The following ZNF335 variants were observed in gnomAD, a reference collection of about 807,000 sequenced individuals.
ZNF335 encodes zinc finger protein 335, also known as NRC-interacting factor 1.
ZNF335 carries 84 observed loss-of-function variants against 145.6 expected under a neutral mutation model. That is an observed-to-expected ratio of 0.58 (90% CI 0.48 to 0.69). The LOEUF (loss-of-function observed/expected upper bound fraction) is 0.69. Among genes scored for constraint, ZNF335 ranks in the 30% least tolerant of loss-of-function variants. ZNF335 has a pLI of 0.00. For missense variants in ZNF335, 1,865 were observed against 1,809.7 expected (o/e 1.03, Z -0.55); for synonymous variants, 761 against 717.0 (o/e 1.06, Z -0.98).
At chr20:45,949,423 A>T in intron 25 of ZNF335, 25 bp from the exon 26 acceptor site, 1 of 1,613,966 alleles carries the variant, frequency 6.2e-7, no homozygotes, top group Non-Finnish European at 8.5e-7. Context: ...CCAAGCTGTG[A>T]TCCTAGGGAG....
At chr20:45,965,485 T>G (rs2083934015) in intron 7 of ZNF335, 143 bp downstream of exon 7, 2 of 966,026 alleles carry the variant, frequency 2.1e-6, no homozygotes, top group Non-Finnish European at 2.9e-6. Context: ...GGCTTTCCCC[T>G]TTCCCTGGAG....
intron 7 of ZNF335, chr20:45,964,338 T>G (rs1018262726): frequency 3.2e-5 from 7 of 215,746 alleles, no homozygotes; most frequent in Non-Finnish European, 4.6e-5. Context: ...TTGCCCCATT[T>G]ATCCAAGGGA....
At position 45,963,563 on chromosome 20, in the gene ZNF335, G is replaced by A; in HGVS notation, c.1443C>T (p.Arg481=). The change falls in exon 9 of 28, where the codon CGC becomes CGT. Residue 481 remains arginine (R), a synonymous_variant. Transcript: ENST00000322927. Reference sequence around the variant, plus strand: ...CAGCCTCATGGGAGTTGACGTGGAAGCGCAGGTCCTCGTGGGACAGAAAGC... The same window carrying A: ...CAGCCTCATGGGAGTTGACGTGGAAACGCAGGTCCTCGTGGGACAGAAAGC... ...GSRFLSHEDL[R]FHVNSHEAGD... The A allele has an allele frequency of 6.2e-7, 1 of 1,614,238 alleles. No homozygotes were observed. Among genetic ancestry groups the A allele is most frequent in the South Asian group, 1.1e-5 (1 of 91,088 alleles).
At chr20:45,958,154 T>A (rs548649607) in intron 15 of ZNF335, among the ~76,000 whole-genome samples, 24 of 152,210 alleles carry the variant, frequency 1.6e-4, no homozygotes, top group Non-Finnish European at 3.1e-4. Context: ...TTCAAGTGAT[T>A]CTTGTGTCTC....
In ZNF335 at chr20:45,963,775, G is replaced by A; in HGVS notation, c.1318C>T (p.Arg440Ter). Residue 440 changes from arginine (R) to a stop codon, truncating the protein, a stop_gained, in exon 8 of 28, where the codon CGA becomes TGA. Coordinates refer to ENST00000322927, the MANE Select transcript of ZNF335 (RefSeq NM_022095.4). LOFTEE classifies it high-confidence loss of function. ...EHDTLPRRRG[R>*]PSRRFLGKKY... is the part of the protein sequence containing the mutation. ...TTGCCTAGGAAGCGCCTGGAAGGTCGACCTCGGCGCCGGGGCAGAGTGTCA... is the reference window on the plus strand; with the variant it reads ...TTGCCTAGGAAGCGCCTGGAAGGTCAACCTCGGCGCCGGGGCAGAGTGTCA... 6.2e-7 allele frequency: 1 copy of A among 1,614,150 alleles called. No homozygotes were observed. The highest frequency in any genetic ancestry group is 8.5e-7 in the Non-Finnish European group (1 of 1,179,998).
Position 45,963,479 on chromosome 20 carries a change from C to T in ZNF335, c.1527G>A (p.Ser509=), listed in dbSNP as rs374798841. ...QCSYRSRRWS[S]LKEHMFNHVG... ...GCCTCTTTGGCTCCCGCACCTTGAG[C>T]GAGGACCAGCGGCGGGAACGATAGC... The change falls in exon 9 of 28, where the codon TCG becomes TCA. Residue 509 remains serine (S), a synonymous_variant. Coordinates refer to ENST00000322927, the MANE Select transcript of ZNF335 (RefSeq NM_022095.4). 1.4e-5 allele frequency: 23 copies of T among 1,611,062 alleles called. No homozygotes were observed. The highest frequency in any genetic ancestry group is 4.5e-5 in the East Asian group (2 of 44,800).
At chr20:45,965,549 C>A in intron 7 of ZNF335, 79 bp downstream of exon 7, 2 of 1,513,490 alleles carry the variant, frequency 1.3e-6, no homozygotes, top group Non-Finnish European at 1.8e-6. Flanking sequence ...ACTCAGTCCC[C>A]AGAACTCCAC....
At chr20:45,952,108 A>G (rs750208946) in intron 20 of ZNF335, 39 bp downstream of exon 20, 11 of 1,549,394 alleles carry the variant, frequency 7.1e-6, no homozygotes, top group South Asian at 1.2e-5. Context: ...GAGTAGCCCA[A>G]TGAATGACAG....
rs1416031555 is a variant in ZNF335 at position 45,948,726 on chromosome 20, A to C, written c.*227T>G. 8.5e-6 allele frequency: 5 copies of C among 586,606 alleles called. No individual in the cohort carries two copies. The highest frequency in any genetic ancestry group is 1.9e-5 in the African/African-American group (1 of 53,338). The allele number at this position is 586,606 out of a possible 1,614,324, so 36.3% of individuals were successfully genotyped here. A position where few individuals can be genotyped will look rare whatever the true frequency, so the allele number is the denominator to read the frequency against. Reference sequence around the variant, plus strand: ...CAGTGGGTCCACCCAAACAAAAATAAATTTCTCTCCCAAAGCCTGCCTGCA... The same window carrying C: ...CAGTGGGTCCACCCAAACAAAAATACATTTCTCTCCCAAAGCCTGCCTGCA... On this transcript the variant is annotated 3_prime_UTR_variant, in exon 28 of 28. Transcript: ENST00000322927.
chr20:45,950,017 T>TGCCTGCTGTAGCCGCTCTGG lies in ZNF335; in HGVS notation c.3520_3539dup (p.Leu1181GlnfsTer8). On this transcript the variant is annotated frameshift_variant, in exon 23 of 28. Transcript: ENST00000322927. LOFTEE classifies it high-confidence loss of function. ...CAACGATGATGTGTTCCTGGCTCAG[T>TGCCTGCTGTAGCCGCTCTGG]GCCTGCTGTAGCCGCTCTGGGCCCA... 1 of 1,614,122 alleles carries TGCCTGCTGTAGCCGCTCTGG rather than the reference T, an allele frequency of 6.2e-7. No homozygotes were observed. Among genetic ancestry groups the TGCCTGCTGTAGCCGCTCTGG allele is most frequent in the Non-Finnish European group, 8.5e-7 (1 of 1,180,026 alleles).
intron 7 of ZNF335, among the ~76,000 whole-genome samples, chr20:45,964,731 A>G (rs1258654225): frequency 6.6e-6 from 1 of 152,146 alleles, no homozygotes; most frequent in Admixed American, 6.5e-5. Flanking sequence ...GGCCTTTTTG[A>G]AATAGAGACT....
intron 6 of ZNF335, 41 bp downstream of exon 6, chr20:45,967,453 T>C (rs2083976174): frequency 1.2e-6 from 2 of 1,613,836 alleles, no homozygotes; most frequent in Admixed American, 3.3e-5. Context: ...TATGTCTAGA[T>C]GGGCATAGGG....
intron 7 of ZNF335, among the ~76,000 whole-genome samples, chr20:45,965,085 C>T (rs1039961362): frequency 2.7e-5 from 4 of 150,556 alleles, no homozygotes; most frequent in African/African-American, 9.8e-5. Context: ...AACTCTCCAA[C>T]CATAAACAGC....
chr20:45,948,690 G>A lies in ZNF335; in HGVS notation c.*263C>T. 4.1e-6 allele frequency: 2 copies of A among 485,272 alleles called. No homozygotes were observed. The highest frequency in any genetic ancestry group is 7.9e-5 in the East Asian group (2 of 25,232). The allele number at this position is 485,272 out of a possible 1,614,324, so 30.1% of individuals were successfully genotyped here. On this transcript the variant is annotated 3_prime_UTR_variant, in exon 28 of 28. Coordinates refer to ENST00000322927, the MANE Select transcript of ZNF335 (RefSeq NM_022095.4). ...GACTGGACTCCGGTCCCTTTATTGA[G>A]ACTGACAGGCCAGTGGGTCCACCCA...
At chr20:45,954,909 A>C (rs1402808091) in intron 17 of ZNF335, among the ~76,000 whole-genome samples, 1 of 151,400 alleles carries the variant, frequency 6.6e-6, no homozygotes, top group Non-Finnish European at 1.5e-5. Flanking sequence ...CTGGTACTAC[A>C]GGCATGCATT....
In ZNF335 at chr20:45,950,035, T is replaced by G. The variant is rs16990951; in HGVS notation, c.3522A>C (p.Pro1174=). ...GGCTCAGTGCCTGCTGTAGCCGCTC[T>G]GGGCCCAGGACCCCGTGACTGGACT... The part of the protein sequence containing the change: ...ALQSSHGVLG[P]ERLQQALSQE... Residue 1174 remains proline (P), a synonymous_variant, in exon 23 of 28, where the codon CCA becomes CCC. Coordinates refer to ENST00000322927, the MANE Select transcript of ZNF335 (RefSeq NM_022095.4). 1 of 1,613,802 alleles carries G rather than the reference T, an allele frequency of 6.2e-7. No homozygotes were observed. The highest frequency in any genetic ancestry group is 1.1e-5 in the South Asian group (1 of 91,058).
Position 45,949,583 on chromosome 20 carries a change from G to T in ZNF335, c.3670-15C>A, listed in dbSNP as rs373445422. Reference sequence around the variant, plus strand: ...ATATACTGCACCTGTTGGTGGGGGGGGCGGGCATGGCGAGGCAGGTGCTGA... The same window carrying T: ...ATATACTGCACCTGTTGGTGGGGGGTGCGGGCATGGCGAGGCAGGTGCTGA... On this transcript the variant is annotated splice_polypyrimidine_tract_variant and intron_variant, in intron 24 of 27. Transcript: ENST00000322927. 6.2e-7 allele frequency: 1 copy of T among 1,601,720 alleles called. No individual in the cohort carries two copies. The highest frequency in any genetic ancestry group is 2.2e-5 in the East Asian group (1 of 44,704).
At chr20:45,953,992 AG>A in intron 17 of ZNF335, 44 bp from the exon 18 acceptor site, 1 of 1,532,578 alleles carries the variant, frequency 6.5e-7, no homozygotes, top group South Asian at 1.2e-5. Flanking sequence ...CTGGTGGCAG[AG>A]GAGCGGGTAT....
In ZNF335 at chr20:45,965,624, T is replaced by A. The variant is rs377649356; in HGVS notation, c.1102+4A>T. 803 of 1,593,180 alleles carry A rather than the reference T, an allele frequency of 5.0e-4. 9 individuals carry two copies. Among genetic ancestry groups the A allele is most frequent in the Non-Finnish European group, 3.8e-5 (44 of 1,171,672 alleles). On this transcript the variant is annotated splice_donor_region_variant and intron_variant, in intron 7 of 27. Coordinates refer to ENST00000322927, the MANE Select transcript of ZNF335 (RefSeq NM_022095.4). ...CACGAGCCCCTCCCAAGACCAAGCCTCACCATCTGGGAGGTCTGAGATCTC... is the reference window on the plus strand; with the variant it reads ...CACGAGCCCCTCCCAAGACCAAGCCACACCATCTGGGAGGTCTGAGATCTC...
Sources: allele counts gnomAD v4.1 joint callset (sites outside exome capture counted in the v4.1 genomes callset), GRCh38; gene constraint gnomAD v4.1.1; transcripts MANE v1.5; gene names NCBI Gene and HGNC (gene_info 2026-07-23, HGNC 2026-07-21).